Variants in BTBD16 observed in about 807,000 individuals in gnomAD.
BTBD16 encodes the protein BTB domain containing 16.
Under a neutral mutation model 67.4 loss-of-function variants are expected in BTBD16, and 66 were observed. That is an observed-to-expected ratio of 0.98 (90% confidence interval 0.80 to 1.20). The LOEUF is 1.20. BTBD16 is among the 50% of genes most tolerant of loss of function. The pLI, the probability that BTBD16 is intolerant of heterozygous loss-of-function variation, is 0.00. For synonymous variants in BTBD16, 242 were observed against 236.4 expected (o/e 1.02, Z -0.22); for missense variants, 634 against 616.0 (o/e 1.03, Z -0.31).
chr10:122,310,818 T>A (rs1022474522), intron 10 of BTBD16, among the ~76,000 whole-genome samples: 2 of 152,180 alleles, frequency 1.3e-5, no homozygotes, highest in African/African-American at 4.8e-5. Flanking sequence ...TTCCCTAACA[T>A]GTCAGTAGTG....
At chr10:122,293,317 A>C (rs1253674920) in intron 7 of BTBD16, among the ~76,000 whole-genome samples, 1 of 152,262 alleles carries the variant, frequency 6.6e-6, no homozygotes, top group African/African-American at 2.4e-5. Flanking sequence ...GAGTTCACAC[A>C]GTCAGATTCA....
chr10:122,307,202 A>G lies in BTBD16; in HGVS notation c.805A>G (p.Ser269Gly). The stretch of plus-strand genomic sequence containing the variant: ...TATTTTGGCCAGGTTATTTACCTTT[A>G]GTGAATTCCATCTTCTGAAAACAAT... The part of the protein sequence containing the change: ...VLKSPRLFTF[S>G]EFHLLKTMLL... The change falls in exon 10 of 16, where the codon AGT (serine) becomes GGT (glycine). Residue 269 changes from serine to glycine, a missense_variant. Transcript: ENST00000260723. 3 of 1,602,594 alleles carry G rather than the reference A, an allele frequency of 1.9e-6. No individual in the cohort carries two copies. Among genetic ancestry groups the G allele is most frequent in the Non-Finnish European group, 8.5e-7 (1 of 1,176,646 alleles).
chr10:122,324,147 C>A (rs1420625750), intron 10 of BTBD16, among the ~76,000 whole-genome samples: 1 of 152,214 alleles, frequency 6.6e-6, no homozygotes, highest in African/African-American at 2.4e-5. Flanking sequence ...CAGAGCTTGA[C>A]AAAGCCGGTT....
chr10:122,307,253 A>G lies in BTBD16; in HGVS notation c.856A>G (p.Asn286Asp), dbSNP rs2096405252. ...GCTTTTGTGGGTCTTCTTGCAACTGAACTACAAGATTCAGGCAATTCCGAC... is the reference window on the plus strand; with the variant it reads ...GCTTTTGTGGGTCTTCTTGCAACTGGACTACAAGATTCAGGCAATTCCGAC... ...TMLLWVFLQL[N>D]YKIQAIPTYE... Residue 286 changes from asparagine to aspartate, a missense_variant, in exon 10 of 16, where the codon AAC (asparagine) becomes GAC (aspartate). Coordinates refer to ENST00000260723, the MANE Select transcript of BTBD16 (RefSeq NM_144587.5). 3.1e-6 allele frequency: 5 copies of G among 1,610,882 alleles called. No homozygotes were observed. The highest frequency in any genetic ancestry group is 4.2e-6 in the Non-Finnish European group (5 of 1,179,096).
chr10:122,335,058 A>T, intron 14 of BTBD16, 79 bp downstream of exon 14: 5 of 700,180 alleles, frequency 7.1e-6, no homozygotes, highest in Non-Finnish European at 1.2e-5. Context: ...AATTAATAAT[A>T]ATTGATTCAT....
At chr10:122,301,732 A>C (rs546016513) in intron 9 of BTBD16, among the ~76,000 whole-genome samples, 1 of 152,154 alleles carries the variant, frequency 6.6e-6, no homozygotes, top group South Asian at 2.1e-4. Context: ...TTCAGAATGC[A>C]CCTTTCTCCA....
Position 122,336,695 on chromosome 10 carries a change from G to A in BTBD16, c.1452+13G>A, listed in dbSNP as rs114887301. 984 of 1,557,622 alleles carry A rather than the reference G, an allele frequency of 6.3e-4. 12 individuals are homozygous for A. The African/African-American group carries it at 0.012, about 20-fold the overall frequency. On this transcript the variant is annotated intron_variant, in intron 15 of 15. Coordinates refer to ENST00000260723, the MANE Select transcript of BTBD16 (RefSeq NM_144587.5). ...CTGCAAAAGCCATGCAAGTGTTCAC[G>A]TTGTCTTTTCCTTTATTTCCTTTTT...
intron 10 of BTBD16, among the ~76,000 whole-genome samples, chr10:122,313,860 G>A (rs540369852): frequency 6.6e-6 from 1 of 152,080 alleles, no homozygotes; most frequent in Non-Finnish European, 1.5e-5. Context: ...AGTGTCATAC[G>A]ACTATATGTA....
intron 4 of BTBD16, among the ~76,000 whole-genome samples, chr10:122,284,406 A>G (rs1285176554): frequency 6.6e-6 from 1 of 151,978 alleles, no homozygotes; most frequent in Admixed American, 6.6e-5. Context: ...CCAAGACTGC[A>G]CCACTGCACT....
At chr10:122,303,842 G>A (rs1166865676) in intron 9 of BTBD16, among the ~76,000 whole-genome samples, 1 of 152,194 alleles carries the variant, frequency 6.6e-6, no homozygotes, top group African/African-American at 2.4e-5. Flanking sequence ...ATGAAAAGGT[G>A]TGTGAATGTC....
chr10:122,331,063 C>A, intron 11 of BTBD16, 113 bp from the exon 12 acceptor site: 1 of 1,409,998 alleles, frequency 7.1e-7, no homozygotes, highest in South Asian at 1.5e-5. Context: ...AGACCATCCA[C>A]CCCTTTCCCT....
intron 8 of BTBD16, among the ~76,000 whole-genome samples, chr10:122,298,707 C>T (rs556323511): frequency 2.2e-4 from 33 of 152,252 alleles, no homozygotes; most frequent in Non-Finnish European, 4.1e-4. Flanking sequence ...AGTTGTGTGA[C>T]GACAGGCAAG....
Position 122,334,771 on chromosome 10 carries a change from C to T in BTBD16, c.1165-110C>T, listed in dbSNP as rs920021242. The T allele has an allele frequency of 9.0e-6, 6 of 667,160 alleles. No homozygotes were observed. In the East Asian group the frequency reaches 1.8e-4, roughly 20 times the overall value. The allele number at this position is 667,160 out of a possible 1,614,324, so 41.3% of individuals were successfully genotyped here. ...TCCTGACCTCAGATGATCTGCCCGCCTCAGCCTCCCAAAGTGCTGGGATTA... is the reference window on the plus strand; with the variant it reads ...TCCTGACCTCAGATGATCTGCCCGCTTCAGCCTCCCAAAGTGCTGGGATTA... On this transcript the variant is annotated intron_variant, in intron 13 of 15. Coordinates refer to ENST00000260723, the MANE Select transcript of BTBD16 (RefSeq NM_144587.5).
rs1423761478 is a variant in BTBD16, at chr10:122,336,681, A to G, written c.1451A>G (p.His484Arg). Reference sequence around the variant, plus strand: ...TTGACCACGTCATCCTGCAAAAGCCATGCAAGTGTTCACGTTGTCTTTTCC... The same window carrying G: ...TTGACCACGTCATCCTGCAAAAGCCGTGCAAGTGTTCACGTTGTCTTTTCC... Reference protein sequence around the residue: ...FGLTTSSCKSHTLKIQTVGIP... With the variant: ...FGLTTSSCKSRTLKIQTVGIP... Residue 484 changes from histidine to arginine, a missense_variant and splice_region_variant, in exon 15 of 16, where the codon CAT becomes CGT. Transcript: ENST00000260723. 6.3e-7 allele frequency: 1 copy of G among 1,577,556 alleles called. No homozygotes were observed. Among genetic ancestry groups the G allele is most frequent in the East Asian group, 2.3e-5 (1 of 43,694 alleles).
intron 3 of BTBD16, 117 bp downstream of exon 3, chr10:122,277,056 G>C: frequency 8.1e-7 from 1 of 1,229,504 alleles, no homozygotes; most frequent in Non-Finnish European, 1.1e-6. Context: ...CATCTGCAAG[G>C]AAGGCTCCCT....
At chr10:122,271,620 C>G (rs546773953) in intron 1 of BTBD16, 106 bp downstream of exon 1, 1 of 152,314 alleles carries the variant, frequency 6.6e-6, no homozygotes, top group East Asian at 1.9e-4. Flanking sequence ...ACTTGGGTGC[C>G]TCTGGTCTAC....
At chr10:122,302,804 A>G (rs1408807490) in intron 9 of BTBD16, among the ~76,000 whole-genome samples, 1 of 152,192 alleles carries the variant, frequency 6.6e-6, no homozygotes, top group East Asian at 1.9e-4. Flanking sequence ...ATAGCAACCT[A>G]ATGAGATGGA....
chr10:122,326,483 A>G (rs2096444976), intron 10 of BTBD16, among the ~76,000 whole-genome samples: 1 of 152,208 alleles, frequency 6.6e-6, no homozygotes, highest in African/African-American at 2.4e-5. Flanking sequence ...ATGCTGTAGC[A>G]TATATGTATG....
At position 122,335,951 on chromosome 10, in the gene BTBD16, C is replaced by T. The variant is rs1159107989; in HGVS notation, c.1264-543C>T. On this transcript the variant is annotated intron_variant, in intron 14 of 15. Coordinates refer to ENST00000260723, the MANE Select transcript of BTBD16 (RefSeq NM_144587.5). ...TGGCACAATCTTGGGTTACTGCAAC[C>T]TCCATATAAAGGGGCTTTAAATGAC... Among the ~76,000 whole-genome samples the T allele has an allele frequency of 2.0e-5, 3 of 152,122 alleles. No homozygotes were observed. The East Asian group carries it at 5.8e-4, about 29-fold the overall frequency.
Sources: allele counts gnomAD v4.1 joint callset (sites outside exome capture counted in the v4.1 genomes callset), GRCh38; gene constraint gnomAD v4.1.1; transcripts MANE v1.5; gene names NCBI Gene and HGNC (gene_info 2026-07-23, HGNC 2026-07-21).